Variants in PDXDC1 observed in about 807,000 individuals in gnomAD.
PDXDC1 encodes the protein pyridoxal dependent decarboxylase domain containing 1.
A neutral mutation model predicts 100.1 loss-of-function variants in PDXDC1; 42 were observed. That is an observed-to-expected ratio of 0.42 (90% CI 0.33 to 0.54). The LOEUF (loss-of-function observed/expected upper bound fraction) is 0.54, where lower values mean the gene tolerates loss of function less well. PDXDC1 is among the 20% of genes least tolerant of loss of function. The pLI is 0.10. For missense variants in PDXDC1, 636 were observed against 979.2 expected, an observed-to-expected ratio of 0.65 and a Z score of 4.68; for synonymous variants, 260 against 371.7, an observed-to-expected ratio of 0.70 and a Z score of 3.46.
chr16:15,012,026 CA>C (rs1197317579), intron 8 of PDXDC1, among the ~76,000 whole-genome samples: 2 of 152,252 alleles, frequency 1.3e-5, no homozygotes, highest in Non-Finnish European at 2.9e-5. Context: ...CCAGAAGCTA[CA>C]AAACATTTGT....
chr16:15,124,104 A>G (rs2047572045), intron 16 of PDXDC1, among the ~76,000 whole-genome samples: 1 of 152,228 alleles, frequency 6.6e-6, no homozygotes, highest in African/African-American at 2.4e-5. Context: ...TTCAAGAAAC[A>G]AAGTTCATCA....
At chr16:15,081,688 T>C (rs553652250) in intron 16 of PDXDC1, among the ~76,000 whole-genome samples, 140 of 152,342 alleles carry the variant, frequency 9.2e-4, no homozygotes, top group African/African-American at 3.2e-3. Context: ...TGAAGTACAA[T>C]TGATGCATTT....
chr16:15,079,998 A>C (rs565320968), intron 16 of PDXDC1: 25 of 1,591,962 alleles, frequency 1.6e-5, no homozygotes, highest in Non-Finnish European at 2.1e-5. Flanking sequence ...CAATACTTAC[A>C]TCCAACTTGA....
At chr16:14,995,480 A>G (rs1213831879) in intron 1 of PDXDC1, among the ~76,000 whole-genome samples, 1 of 152,292 alleles carries the variant, frequency 6.6e-6, no homozygotes, top group Non-Finnish European at 1.5e-5. Context: ...CTTGCATCCC[A>G]GGGATGAAGC....
At chr16:15,083,503 G>A in intron 16 of PDXDC1, 1 of 1,608,920 alleles carries the variant, frequency 6.2e-7, no homozygotes, top group Non-Finnish European at 8.5e-7. Flanking sequence ...TCAATGAAAA[G>A]ATTTCTTACC....
chr16:15,002,270 A>G (rs1343452799), intron 4 of PDXDC1, among the ~76,000 whole-genome samples: 2 of 152,304 alleles, frequency 1.3e-5, no homozygotes, highest in Admixed American at 6.5e-5. Flanking sequence ...ACAATGAAAA[A>G]TGATATACAA....
At position 14,975,231 on chromosome 16, in the gene PDXDC1, G is replaced by A; in HGVS notation, c.21+11G>A. On this transcript the variant is annotated intron_variant, in intron 1 of 22. Coordinates refer to ENST00000396410, the MANE Select transcript of PDXDC1 (RefSeq NM_015027.4). ...GCGTCCCTGGAGAAGGTCCGTGCCGGGAGGGGGCGATGGGGACGGTGCTGC... is the reference window on the plus strand; with the variant it reads ...GCGTCCCTGGAGAAGGTCCGTGCCGAGAGGGGGCGATGGGGACGGTGCTGC... 6 of 1,417,780 alleles carry A rather than the reference G, an allele frequency of 4.2e-6. No individual in the cohort carries two copies. The highest frequency in any genetic ancestry group is 5.7e-5 in the East Asian group (2 of 34,982). The allele number at this position is 1,417,780 out of a possible 1,614,324, so 87.8% of individuals were successfully genotyped here.
In PDXDC1 at chr16:15,037,259, C is replaced by G. The variant is rs2043511982; in HGVS notation, c.*984C>G. 1 of 152,246 alleles carries G rather than the reference C, an allele frequency of 6.6e-6. No homozygotes were observed. Among genetic ancestry groups the G allele is most frequent in the African/African-American group, 2.4e-5 (1 of 41,464 alleles). 9.4% of individuals were successfully genotyped at this position (152,246 alleles called of 1,614,324 possible). ...GTCAGTAGAAGCTCGCTGGCACTGCCCGTTCCTACTTTTCCGAAGTACTGC... is the reference window on the plus strand; with the variant it reads ...GTCAGTAGAAGCTCGCTGGCACTGCGCGTTCCTACTTTTCCGAAGTACTGC... On this transcript the variant is annotated 3_prime_UTR_variant, in exon 23 of 23. Coordinates refer to ENST00000396410, the MANE Select transcript of PDXDC1 (RefSeq NM_015027.4).
In PDXDC1 at chr16:15,104,548, G is replaced by A. The variant is rs148599254; in HGVS notation, c.1400-34331G>A. ...AAGGGGAGTGAGCAGACACTCGGAG[G>A]TGTCTTGAGATTATCATCCGCTGAG... is the stretch of plus-strand genomic sequence containing the variant. On this transcript the variant is annotated intron_variant, in intron 16 of 16. Coordinates refer to the PDXDC1 transcript ENST00000535621. The A allele has an allele frequency of 1.0e-3, 1,588 of 1,581,028 alleles. 82 individuals carry two copies. The South Asian group carries it at 0.019, about 19-fold the overall frequency.
At chr16:15,040,220 A>G (rs1371148335), downstream of PDXDC1, 1 of 447,990 alleles carries the variant, frequency 2.2e-6, no homozygotes, top group Non-Finnish European at 4.0e-6. Flanking sequence ...TGGAGGGGGA[A>G]AATGCAACCT....
the PDXDC1 span, among the ~76,000 whole-genome samples, chr16:15,149,571 C>T: frequency 6.6e-6 from 1 of 152,150 alleles, no homozygotes; most frequent in African/African-American, 2.4e-5. Flanking sequence ...CAGGCAGGGG[C>T]CCCGGGGTCT....
chr16:15,137,654 C>A lies in PDXDC1; in HGVS notation c.1400-1225C>A, dbSNP rs988246135. 4.6e-6 allele frequency: 6 copies of A among 1,304,020 alleles called. No individual in the cohort carries two copies. In the South Asian group the frequency reaches 5.0e-5, roughly 11 times the overall value. The allele number at this position is 1,304,020 out of a possible 1,614,324, so 80.8% of individuals were successfully genotyped here. A position where few individuals can be genotyped will look rare whatever the true frequency, so the allele number is the denominator to read the frequency against. On this transcript the variant is annotated intron_variant, in intron 16 of 16. Coordinates refer to the PDXDC1 transcript ENST00000535621. ...CATGCTGTTCCCTTGGCCCGGAGCC[C>A]CCCCCCAGAGAGGCCTTCCTGAGCC...
In PDXDC1 at chr16:15,036,236, T is replaced by G. The variant is rs752694149; in HGVS notation, c.2328T>G (p.Asp776Glu). 1 of 1,614,096 alleles carries G rather than the reference T, an allele frequency of 6.2e-7. No individual in the cohort carries two copies. Among genetic ancestry groups the G allele is most frequent in the Non-Finnish European group, 8.5e-7 (1 of 1,179,980 alleles). The change falls in exon 23 of 23, where the codon GAT becomes GAG. Residue 776 changes from aspartate to glutamate, a missense_variant. Physicochemically the swap from Asp to Glu is conservative, Grantham distance 45. Around this residue, in one of 4 missense-constraint regions of PDXDC1, gnomAD observed 452 missense variants for 402.9 expected, o/e 1.12. Transcript: ENST00000396410. Reference protein sequence around the residue: ...AFQKGVPHPEDDHSQVEGPES... With the variant: ...AFQKGVPHPEEDHSQVEGPES... ...AGAAAGGGGTCCCACACCCAGAAGATGACCACTCACAGGTAGAAGGACCGG... is the reference window on the plus strand; with the variant it reads ...AGAAAGGGGTCCCACACCCAGAAGAGGACCACTCACAGGTAGAAGGACCGG...
intron 16 of PDXDC1, among the ~76,000 whole-genome samples, chr16:15,092,947 T>C (rs2046195623): frequency 6.6e-6 from 1 of 152,194 alleles, no homozygotes; most frequent in South Asian, 2.1e-4. Context: ...CCAAGCTGTT[T>C]TTCATTTCAC....
At chr16:15,064,885 G>A (rs1199676779) in intron 16 of PDXDC1, among the ~76,000 whole-genome samples, 2 of 152,156 alleles carry the variant, frequency 1.3e-5, no homozygotes, top group Non-Finnish European at 2.9e-5. Flanking sequence ...TCCACCTCCT[G>A]GCCGGGCGCG....
intron 13 of PDXDC1, chr16:15,025,150 T>C (rs1489378039): frequency 6.6e-6 from 1 of 152,336 alleles, no homozygotes; most frequent in African/African-American, 2.4e-5. Flanking sequence ...ATATTCAGAA[T>C]TGACAACTTC....
intron 16 of PDXDC1, chr16:15,108,138 C>T (rs2046880844): frequency 1.3e-6 from 1 of 770,806 alleles, no homozygotes; most frequent in Admixed American, 6.3e-5. Context: ...ACCATCCACC[C>T]TGGTGTTGAC....
chr16:15,087,504 C>T (rs2045955366), intron 16 of PDXDC1, among the ~76,000 whole-genome samples: 1 of 152,206 alleles, frequency 6.6e-6, no homozygotes, highest in African/African-American at 2.4e-5. Flanking sequence ...AAGCTGTCCC[C>T]TTTTCCCCAC....
intron 16 of PDXDC1, chr16:15,132,594 G>T: frequency 1.3e-6 from 1 of 764,030 alleles, no homozygotes; most frequent in East Asian, 2.7e-5. Context: ...ACCGAGGAAC[G>T]CCATGGCATG....
Sources: gnomAD v4.1 joint callset for allele counts (sites outside exome capture counted in the v4.1 genomes callset) on GRCh38, gnomAD v4.1.1 for gene constraint, gnomAD v4.1.1 regional missense constraint, MANE v1.5 for transcripts, NCBI Gene and HGNC (gene_info 2026-07-23, HGNC 2026-07-21) for gene names.